The following BECN1 variants were observed in gnomAD, a reference collection of about 807,000 sequenced individuals.
BECN1 encodes the protein beclin-1.
A neutral mutation model predicts 60.1 loss-of-function variants in BECN1; 15 were observed. The ratio of observed to expected loss-of-function variants is 0.25; its 90% CI spans 0.17 to 0.38. The LOEUF (loss-of-function observed/expected upper bound fraction) is 0.38. BECN1 is among the 10% of genes least tolerant of loss of function. The pLI, the probability that BECN1 is intolerant of heterozygous loss-of-function variation, is 1.00. For synonymous variants in BECN1, 179 were observed against 201.8 expected (o/e 0.89, Z 0.96); for missense variants, 424 against 548.2 (o/e 0.77, Z 2.26).
chr17:42,818,716 C>G (rs1245700610), intron 5 of BECN1, 36 bp from the exon 6 acceptor site: 2 of 1,614,004 alleles, frequency 1.2e-6, no homozygotes, highest in South Asian at 1.1e-5. Context: ...GGGCCTCCCC[C>G]ATGCTTCCTG....
chr17:42,821,218 C>A (rs2055257539), intron 2 of BECN1, among the ~76,000 whole-genome samples: 1 of 152,078 alleles, frequency 6.6e-6, no homozygotes, highest in Non-Finnish European at 1.5e-5. Context: ...CACCACCATG[C>A]CCAGCTAATT....
intron 4 of BECN1, 193 bp from the exon 5 acceptor site, chr17:42,819,070 C>T: frequency 1.6e-6 from 1 of 608,830 alleles, no homozygotes; most frequent in Non-Finnish European, 2.8e-6. Context: ...CACAGGGACA[C>T]TCAGCATGAA....
chr17:42,818,944 G>A, intron 4 of BECN1, 67 bp from the exon 5 acceptor site: 1 of 1,553,842 alleles, frequency 6.4e-7, no homozygotes, highest in South Asian at 1.1e-5. Context: ...CTACTACAAT[G>A]CCAGTGGCAG....
At chr17:42,818,957 ACT>A (rs2055205032) in intron 4 of BECN1, 80 bp from the exon 5 acceptor site, 2 of 1,496,744 alleles carry the variant, frequency 1.3e-6, no homozygotes, top group African/African-American at 2.8e-5. Flanking sequence ...AGTGGCAGAG[ACT>A]CTCAAGCACC....
In BECN1 at chr17:42,814,621, T is replaced by C. The variant is rs745537306; in HGVS notation, c.883A>G (p.Ser295Gly). Reference sequence around the variant, plus strand: ...ATCTCATTCCATTCCACGGGAACACTGGGCAGGCGACCCAGCCTGAAGTTA... The same window carrying C: ...ATCTCATTCCATTCCACGGGAACACCGGGCAGGCGACCCAGCCTGAAGTTA... Reference protein sequence around the residue: ...INNFRLGRLPSVPVEWNEINA... With the variant: ...INNFRLGRLPGVPVEWNEINA... Residue 295 changes from serine (S) to glycine (G), a missense_variant, in exon 9 of 12, where the codon AGT becomes GGT. Coordinates refer to ENST00000590099, the MANE Select transcript of BECN1 (RefSeq NM_001313998.2). 5 of 1,613,996 alleles carry C rather than the reference T, an allele frequency of 3.1e-6. No individual in the cohort carries two copies. The highest frequency in any genetic ancestry group is 2.7e-5 in the African/African-American group (2 of 74,894).
intron 1 of BECN1, 43 bp downstream of exon 1, chr17:42,824,112 G>C: frequency 3.8e-6 from 2 of 523,038 alleles, no homozygotes; most frequent in Non-Finnish European, 6.7e-6. Flanking sequence ...AGGGTTCCCA[G>C]ACTCCCTTCT....
Position 42,813,905 on chromosome 17 carries a change from T to C in BECN1, c.1041+43A>G, listed in dbSNP as rs376001676. 505 of 1,418,868 alleles carry C rather than the reference T, an allele frequency of 3.6e-4. 2 individuals are homozygous for C. The African/African-American group carries it at 6.4e-3, about 18-fold the overall frequency. The allele number at this position is 1,418,868 out of a possible 1,614,324, so 87.9% of individuals were successfully genotyped here. A position where few individuals can be genotyped will look rare whatever the true frequency, so the allele number is the denominator to read the frequency against. ...AAACCATCCATTTTCTTAAGAGATA[T>C]AAGAACTCTGTATTCCAGTGAAAAT... On this transcript the variant is annotated intron_variant, in intron 10 of 11. Coordinates refer to ENST00000590099, the MANE Select transcript of BECN1 (RefSeq NM_001313998.2).
chr17:42,811,002 A>G (rs1231860583), intron 11 of BECN1, 74 bp from the exon 12 acceptor site: 1 of 1,400,486 alleles, frequency 7.1e-7, no homozygotes, highest in African/African-American at 1.4e-5. Flanking sequence ...GGACTTGATC[A>G]TGGGACCATT....
In BECN1 at chr17:42,818,659, T is replaced by C. The variant is rs778788915; in HGVS notation, c.373A>G (p.Ile125Val). The change falls in exon 6 of 12, where the codon ATC becomes GTC. Residue 125 changes from isoleucine to valine, a missense_variant. This residue lies in a region of BECN1 where 326 missense variants were observed against 406.2 expected (regional missense o/e 0.80). Coordinates refer to ENST00000590099, the MANE Select transcript of BECN1 (RefSeq NM_001313998.2). ...TCCACATCTGTCTGGCCCGACATGA[T>C]GTCAAAAAGGTCCCCAGTGACCTGG... ...RLKVTGDLFD[I>V]MSGQTDVDHP... 6.2e-7 allele frequency: 1 copy of C among 1,614,156 alleles called. No homozygotes were observed. The highest frequency in any genetic ancestry group is 1.1e-5 in the South Asian group (1 of 91,082).
intron 7 of BECN1, among the ~76,000 whole-genome samples, chr17:42,817,580 T>C (rs2055173209): frequency 6.6e-6 from 1 of 152,226 alleles, no homozygotes; most frequent in Non-Finnish European, 1.5e-5. Flanking sequence ...CTCAACTCTG[T>C]TGCCCAAGCT....
intron 1 of BECN1, 74 bp downstream of exon 1, chr17:42,824,081 G>C (rs2144218445): frequency 3.4e-6 from 2 of 596,394 alleles, no homozygotes; most frequent in Non-Finnish European, 5.7e-6. Flanking sequence ...GGTCAGGGAA[G>C]GGACTCCAAT....
At chr17:42,820,709 T>C (rs2055244597) in intron 3 of BECN1, 65 bp downstream of exon 3, 1 of 1,476,766 alleles carries the variant, frequency 6.8e-7, no homozygotes, top group Non-Finnish European at 9.3e-7. Context: ...CCTGTTTTCA[T>C]ATCATATCTC....
Position 42,813,954 on chromosome 17 carries a change from T to A in BECN1, c.1035A>T (p.Lys345Asn). The part of the protein sequence containing the change: ...NHSYLESLTD[K>N]SKELPLYCSG... ...ATGGAGCTTCACAGAGTACCTTAGA[T>A]TTGTCTGTCAGAGACTCCAGATATG... is the stretch of plus-strand genomic sequence containing the variant. Residue 345 changes from lysine (K) to asparagine (N), a missense_variant, in exon 10 of 12, where the codon AAA (lysine) becomes AAT (asparagine). Around this residue, in one of 3 missense-constraint regions of BECN1, gnomAD observed 326 missense variants for 406.2 expected, o/e 0.80. Coordinates refer to ENST00000590099, the MANE Select transcript of BECN1 (RefSeq NM_001313998.2). The A allele has an allele frequency of 6.3e-7, 1 of 1,596,480 alleles. No individual in the cohort carries two copies. The highest frequency in any genetic ancestry group is 8.6e-7 in the Non-Finnish European group (1 of 1,167,328).
At chr17:42,819,766 T>C (rs952000111) in intron 3 of BECN1, among the ~76,000 whole-genome samples, 157 bp from the exon 4 acceptor site, 5 of 152,162 alleles carry the variant, frequency 3.3e-5, no homozygotes, top group African/African-American at 1.2e-4. Flanking sequence ...GCAATCCTTG[T>C]GTATGTGGAC....
In BECN1 at chr17:42,818,396, C is replaced by T. The variant is rs777260991; in HGVS notation, c.508G>A (p.Glu170Lys). The T allele has an allele frequency of 6.2e-7, 1 of 1,614,182 alleles. No homozygotes were observed. The highest frequency in any genetic ancestry group is 1.1e-5 in the South Asian group (1 of 91,078). ...TCACTGTCATCCTCATTCATTTGCT[C>T]TAAGATCTCCAAACAGCGTCTGCCA... is the stretch of plus-strand genomic sequence containing the variant. ...QNYKRCLEILEQMNEDDSEQL... is the reference protein window; with the variant it reads ...QNYKRCLEILKQMNEDDSEQL... The change falls in exon 7 of 12, where the codon GAG becomes AAG. Residue 170 changes from glutamate to lysine, a missense_variant. Physicochemically the swap from Glu to Lys is moderately conservative, Grantham distance 56 (BLOSUM62 1). Transcript: ENST00000590099.
chr17:42,823,379 C>T (rs1427143714), intron 2 of BECN1, among the ~76,000 whole-genome samples: 1 of 152,106 alleles, frequency 6.6e-6, no homozygotes, highest in Non-Finnish European at 1.5e-5. Context: ...CTCAACCTCC[C>T]GAGTAGCTGG....
chr17:42,817,228 A>G (rs988424465), intron 7 of BECN1, among the ~76,000 whole-genome samples: 1 of 151,494 alleles, frequency 6.6e-6, no homozygotes, highest in Non-Finnish European at 1.5e-5. Context: ...GTAGGAAGTC[A>G]AGGCCGCAGT....
chr17:42,822,866 G>A lies in BECN1; in HGVS notation c.130+882C>T, dbSNP rs1270429476. ...CCAGCAATTTTTTTTTTTTTTTAGA[G>A]ACAAGATCTCTGCTAGGTTGCTCAG... On this transcript the variant is annotated intron_variant, in intron 2 of 11. Transcript: ENST00000590099. Among the ~76,000 whole-genome samples the A allele has an allele frequency of 2.0e-5, 3 of 149,134 alleles. No individual in the cohort carries two copies. The East Asian group carries it at 5.9e-4, about 29-fold the overall frequency.
chr17:42,820,237 A>T (rs1440702837), intron 3 of BECN1: 1 of 153,352 alleles, frequency 6.5e-6, no homozygotes, highest in Non-Finnish European at 1.5e-5. Context: ...CTACTTGAGA[A>T]GAAATCTCAG....
Sources: gnomAD v4.1 joint callset for allele counts (sites outside exome capture counted in the v4.1 genomes callset) on GRCh38, gnomAD v4.1.1 for gene constraint, gnomAD v4.1.1 regional missense constraint, MANE v1.5 for transcripts, NCBI Gene and HGNC (gene_info 2026-07-23, HGNC 2026-07-21) for gene names.